Variants in ASMTL observed in about 807,000 individuals in gnomAD.
The protein encoded by ASMTL is probable bifunctional dTTP/UTP pyrophosphatase/methyltransferase protein.
ASMTL carries 57 observed loss-of-function variants against 60.3 expected under a neutral mutation model. The observed-to-expected ratio is 0.95, with a 90% CI of 0.76 to 1.18. The LOEUF (loss-of-function observed/expected upper bound fraction) is 1.18, where lower values mean the gene tolerates loss of function less well. Ranked by LOEUF, ASMTL falls within the 50% of genes most tolerant of loss-of-function variation. The probability of loss-of-function intolerance (pLI) is 0.00; values close to 1 mark genes in which losing one functional copy is unlikely to be tolerated. For missense variants in ASMTL, 981 were observed against 852.6 expected (o/e 1.15, Z -1.88); for synonymous variants, 419 against 373.0 (o/e 1.12, Z -1.42).
chrX:1,413,580 T>G (rs1170791821), intron 11 of ASMTL, among the ~76,000 whole-genome samples: 1 of 152,234 alleles, frequency 6.6e-6, no homozygotes, highest in East Asian at 1.9e-4. Context: ...AAAGATGGTC[T>G]GCTGTAGTGC....
chrX:1,421,968 C>T, intron 8 of ASMTL, 126 bp from the exon 9 acceptor site: 1 of 867,964 alleles, frequency 1.2e-6, no homozygotes, highest in Non-Finnish European at 1.9e-6. Context: ...ACCGTACACT[C>T]AAGGAAACCT....
In ASMTL at chrX:1,443,010, C is replaced by T. The variant is rs1195427587; in HGVS notation, c.94-693G>A. Among the ~76,000 whole-genome samples the T allele has an allele frequency of 3.3e-5, 5 of 152,222 alleles. No individual in the cohort carries two copies. In the East Asian group the frequency reaches 5.8e-4, roughly 18 times the overall value. On this transcript the variant is annotated intron_variant, in intron 1 of 12. Transcript: ENST00000381317. The stretch of plus-strand genomic sequence containing the variant: ...AAGCATCGCCATCTTGGACACACAC[C>T]GCCATCTTGGAGAGACACCACCATC...
At position 1,412,743 on chromosome X, in the gene ASMTL, C is replaced by T; in HGVS notation, c.1634G>A (p.Ser545Asn). Reference sequence around the variant, plus strand: ...CGATGGGCTCTCACCTGGCTTGCAGCTCTCGGCGACCCTGCTGAGTAACTT... The same window carrying T: ...CGATGGGCTCTCACCTGGCTTGCAGTTCTCGGCGACCCTGCTGAGTAACTT... ...VHKLLSRVAE[S>N]CKPGAGLLLV... The change falls in exon 12 of 13, where the codon AGC (serine) becomes AAC (asparagine). Residue 545 changes from serine (S) to asparagine (N), a missense_variant. By Grantham distance (46) the Ser-to-Asn change is conservative. Coordinates refer to ENST00000381317, the MANE Select transcript of ASMTL (RefSeq NM_004192.4). 3 of 1,614,008 alleles carry T rather than the reference C, an allele frequency of 1.9e-6. No individual in the cohort carries two copies. Among genetic ancestry groups the T allele is most frequent in the South Asian group, 2.2e-5 (2 of 91,070 alleles).
At position 1,430,337 on chromosome X, in the gene ASMTL, C is replaced by T. The variant is rs149911257; in HGVS notation, c.509+1932G>A. Among the ~76,000 whole-genome samples, 1,483 of 152,116 alleles carry T rather than the reference C, an allele frequency of 9.7e-3. 37 individuals carry two copies. Among genetic ancestry groups the T allele is most frequent in the African/African-American group, 0.034 (1,394 of 41,494 alleles). The stretch of plus-strand genomic sequence containing the variant: ...CTGATTTAAATCTTGTATCCTTTGA[C>T]CAAGTGCAACTGTTTTATATTCCAT... On this transcript the variant is annotated intron_variant, in intron 6 of 12. Transcript: ENST00000381317.
chrX:1,435,379 T>G (rs2090934289), intron 4 of ASMTL: 3 of 605,244 alleles, frequency 5.0e-6, no homozygotes, highest in Admixed American at 2.9e-5. Flanking sequence ...GGGATGGGGA[T>G]GACGTCCCAG....
chrX:1,432,118 T>G, intron 6 of ASMTL, 151 bp downstream of exon 6: 1 of 645,996 alleles, frequency 1.5e-6, no homozygotes, highest in Non-Finnish European at 2.8e-6. Context: ...GTGAAGGGTT[T>G]GTGCTTCTGA....
chrX:1,414,491 T>C (rs1224540118), intron 11 of ASMTL, among the ~76,000 whole-genome samples: 2 of 152,106 alleles, frequency 1.3e-5, no homozygotes, highest in Non-Finnish European at 2.9e-5. Flanking sequence ...GTGGATGACC[T>C]GAGGTGAGGA....
intron 1 of ASMTL, among the ~76,000 whole-genome samples, chrX:1,450,095 A>AC (rs1298191861): frequency 6.7e-6 from 1 of 148,888 alleles, no homozygotes; most frequent in Non-Finnish European, 1.5e-5. Context: ...ACCAGTAACT[A>AC]TCCCATCACC....
At chrX:1,424,372 C>CCTCCCATCCATCTATCCACT (rs1190413503) in intron 8 of ASMTL, among the ~76,000 whole-genome samples, 60 of 150,956 alleles carry the variant, frequency 4.0e-4, no homozygotes, top group African/African-American at 1.4e-3. Flanking sequence ...GTTCATCCAC[C>CCTCCCATCCATCTATCCACT]CTCCCATCCA....
Position 1,417,989 on chromosome X carries a change from C to G in ASMTL, c.1506G>C (p.Gln502His), listed in dbSNP as rs1569532346. The G allele has an allele frequency of 6.2e-7, 1 of 1,612,010 alleles. No homozygotes were observed. The highest frequency in any genetic ancestry group is 1.3e-5 in the African/African-American group (1 of 74,882). ...HFQPPGPQAV[Q>H]IHFAAGDFFR... ...AGGGCTCACCTGCTGCGAAGTGGAT[C>G]TGCACTGCCTGCGGTCCGGGGGGTT... The change falls in exon 11 of 13, where the codon CAG (glutamine) becomes CAC (histidine). Residue 502 changes from glutamine (Q) to histidine (H), a missense_variant. Transcript: ENST00000381317.
chrX:1,452,451 C>T (rs1199944663), intron 1 of ASMTL, among the ~76,000 whole-genome samples: 1 of 151,016 alleles, frequency 6.6e-6, no homozygotes, highest in Non-Finnish European at 1.5e-5. Flanking sequence ...TCTACCCTCC[C>T]CATTCCTAGG....
At chrX:1,431,877 C>G in intron 6 of ASMTL, 1 of 213,598 alleles carries the variant, frequency 4.7e-6, no homozygotes, top group South Asian at 9.5e-5. Flanking sequence ...GTGGACGGGA[C>G]GACAGGTAGA....
At chrX:1,432,237 T>C in intron 6 of ASMTL, 32 bp downstream of exon 6, 1 of 1,543,818 alleles carries the variant, frequency 6.5e-7, no homozygotes. Context: ...TCCACACGTG[T>C]CCCCCGTCCC....
In ASMTL at chrX:1,425,756, A is replaced by G. The variant is rs1373447887; in HGVS notation, c.898-69T>C. ...AGTACTTTCTACTCCCACAGACTCA[A>G]AAGATGGAGGCCAACGCTGTCGGAA... On this transcript the variant is annotated intron_variant, in intron 7 of 12. Transcript: ENST00000381317. The G allele has an allele frequency of 6.6e-6, 10 of 1,520,000 alleles. No individual in the cohort carries two copies. The East Asian group carries it at 2.1e-4, about 31-fold the overall frequency. The allele number at this position is 1,520,000 out of a possible 1,614,324, so 94.2% of individuals were successfully genotyped here. A position where few individuals can be genotyped will look rare whatever the true frequency, so the allele number is the denominator to read the frequency against.
chrX:1,429,278 A>C (rs2090704730), intron 6 of ASMTL, among the ~76,000 whole-genome samples: 1 of 151,088 alleles, frequency 6.6e-6, no homozygotes. Context: ...GCAGTGGTAC[A>C]TTCTTGGTTC....
chrX:1,446,926 G>A (rs1235944908), intron 1 of ASMTL, among the ~76,000 whole-genome samples: 1 of 152,138 alleles, frequency 6.6e-6, no homozygotes, highest in African/African-American at 2.4e-5. Flanking sequence ...CTTTTCTACG[G>A]TTTGAATTAA....
Position 1,421,813 on chromosome X carries a change from A to T in ASMTL, c.1090T>A (p.Tyr364Asn). 6.2e-7 allele frequency: 1 copy of T among 1,613,726 alleles called. No individual in the cohort carries two copies. Among genetic ancestry groups the T allele is most frequent in the Admixed American group, 1.7e-5 (1 of 59,978 alleles). Residue 364 changes from tyrosine to asparagine, a missense_variant, in exon 9 of 13, where the codon TAC becomes AAC. Tyr to Asn is a moderately radical substitution (Grantham distance 143). Coordinates refer to ENST00000381317, the MANE Select transcript of ASMTL (RefSeq NM_004192.4). Reference sequence around the variant, plus strand: ...GAGTATTCGCCATCCGATGCCAGGTAGACGTTCGCTGTCTCTGTGTTACTG... The same window carrying T: ...GAGTATTCGCCATCCGATGCCAGGTTGACGTTCGCTGTCTCTGTGTTACTG... ...GYSNTETANV[Y>N]LASDGEYSLH... is the part of the protein sequence containing the mutation.
rs1453252801 is a variant in ASMTL at position 1,421,581 on chromosome X, C to T, written c.1245+77G>A. 16 of 1,479,882 alleles carry T rather than the reference C, an allele frequency of 1.1e-5. No homozygotes were observed. The African/African-American group carries it at 1.5e-4, about 14-fold the overall frequency. 91.7% of individuals were successfully genotyped at this position (1,479,882 alleles called of 1,614,324 possible). A position where few individuals can be genotyped will look rare whatever the true frequency, so the allele number is the denominator to read the frequency against. ...GACTGGAGACAGACTGGTCAAGGTG[C>T]CTACTGATCTGTGTGTCAAAGTGTT... On this transcript the variant is annotated intron_variant, in intron 9 of 12. Coordinates refer to ENST00000381317, the MANE Select transcript of ASMTL (RefSeq NM_004192.4).
At chrX:1,447,942 ACACCATCTTGGAAAAGCAC>A (rs1280094906) in intron 1 of ASMTL, among the ~76,000 whole-genome samples, 19 of 126,972 alleles carry the variant, frequency 1.5e-4, no homozygotes, top group African/African-American at 4.8e-4. Context: ...TGGATACACA[ACACCATCTTGGAAAAGCAC>A]CACCATCTTG....
Sources: gnomAD v4.1 joint callset for allele counts (sites outside exome capture counted in the v4.1 genomes callset) on GRCh38, gnomAD v4.1.1 for gene constraint, MANE v1.5 for transcripts, NCBI Gene and HGNC (gene_info 2026-07-23, HGNC 2026-07-21) for gene names.